MGAT4C: variants seen among roughly 807,000 people sequenced by gnomAD.
MGAT4C encodes the protein alpha-1,3-mannosyl-glycoprotein 4-beta-N-acetylglucosaminyltransferase C.
Under a neutral mutation model 40.1 loss-of-function variants are expected in MGAT4C, and 19 were observed. The observed-to-expected ratio is 0.47, with a 90% confidence interval of 0.33 to 0.70. The LOEUF (loss-of-function observed/expected upper bound fraction) is 0.70. Among genes scored for constraint, MGAT4C ranks in the 30% least tolerant of loss-of-function variants. The pLI, the probability that MGAT4C is intolerant of heterozygous loss-of-function variation, is 0.02. For synonymous variants in MGAT4C, 181 were observed against 187.1 expected, an observed-to-expected ratio of 0.97 and a Z score of 0.27; for missense variants, 491 against 563.2, an observed-to-expected ratio of 0.87 and a Z score of 1.30.
At position 86,470,382 on chromosome 12, in the gene MGAT4C, G is replaced by C. The variant is rs1358779029; in HGVS notation, c.-228-35117C>G. 2.0e-5 allele frequency among the ~76,000 whole-genome samples: 3 copies of C among 152,068 alleles called. No individual in the cohort carries two copies. The East Asian group carries it at 5.8e-4, about 29-fold the overall frequency. ...ACTGAACTTCGACTCTATCTTGGGT[G>C]ACAAGAAGAACTGAAGTAGGAAGGA... On this transcript the variant is annotated intron_variant, in intron 2 of 7. Transcript: ENST00000548651.
intron 2 of MGAT4C, among the ~76,000 whole-genome samples, chr12:86,721,882 T>C (rs1950743272): frequency 6.6e-6 from 1 of 152,104 alleles, no homozygotes; most frequent in Non-Finnish European, 1.5e-5. Flanking sequence ...AAGGAAAATA[T>C]TCAAATCTGT....
At chr12:86,399,311 C>A (rs942095467) in intron 3 of MGAT4C, among the ~76,000 whole-genome samples, 1 of 150,894 alleles carries the variant, frequency 6.6e-6, no homozygotes, top group Non-Finnish European at 1.5e-5. Context: ...TTGAGACAGT[C>A]TTGCTCTATC....
intron 3 of MGAT4C, among the ~76,000 whole-genome samples, chr12:86,430,519 T>C (rs925195276): frequency 2.6e-5 from 4 of 152,128 alleles, no homozygotes; most frequent in Admixed American, 2.0e-4. Context: ...ATTGACTTTG[T>C]TTGGGTGAGG....
At chr12:86,831,488 CAT>C (rs1952927062) in intron 1 of MGAT4C, among the ~76,000 whole-genome samples, 1 of 151,840 alleles carries the variant, frequency 6.6e-6, no homozygotes, top group African/African-American at 2.4e-5. Flanking sequence ...TACAAACACA[CAT>C]GACACCAATG....
intron 1 of MGAT4C, among the ~76,000 whole-genome samples, chr12:86,203,997 T>TATATATATA (rs1437540260): frequency 2.7e-5 from 4 of 148,636 alleles, no homozygotes; most frequent in Non-Finnish European, 6.0e-5. Flanking sequence ...TATATATGCC[T>TATATATATA]TATAGCTAAC....
chr12:86,648,028 A>G (rs889824876), intron 2 of MGAT4C, among the ~76,000 whole-genome samples: 3 of 151,934 alleles, frequency 2.0e-5, no homozygotes, highest in African/African-American at 7.2e-5. Flanking sequence ...GGGTCTAGCA[A>G]TGTGATTGCC....
At chr12:86,217,872 G>T (rs923689532) in intron 1 of MGAT4C, among the ~76,000 whole-genome samples, 1 of 152,102 alleles carries the variant, frequency 6.6e-6, no homozygotes, top group South Asian at 2.1e-4. Context: ...AATAATTGAA[G>T]TGATATAAGA....
intron 1 of MGAT4C, among the ~76,000 whole-genome samples, chr12:86,121,072 C>A (rs1356877764): frequency 1.3e-5 from 2 of 152,164 alleles, no homozygotes; most frequent in Non-Finnish European, 2.9e-5. Flanking sequence ...GACCTGAAAA[C>A]CATGGCAAGA....
At chr12:86,378,946 A>G (rs1955880225) in intron 3 of MGAT4C, among the ~76,000 whole-genome samples, 1 of 152,104 alleles carries the variant, frequency 6.6e-6, no homozygotes, top group South Asian at 2.1e-4. Flanking sequence ...TTTAGAACCA[A>G]TATTGGAGCT....
chr12:86,784,414 A>C (rs1951897272), intron 1 of MGAT4C, among the ~76,000 whole-genome samples: 1 of 152,114 alleles, frequency 6.6e-6, no homozygotes, highest in Non-Finnish European at 1.5e-5. Context: ...TAGAGAATAC[A>C]AAATTGGCAA....
At chr12:85,982,487 C>A (rs1219971303) in intron 4 of MGAT4C, among the ~76,000 whole-genome samples, 4 of 152,132 alleles carry the variant, frequency 2.6e-5, no homozygotes, top group Non-Finnish European at 5.9e-5. Context: ...CCAAACCCAG[C>A]CTAAGATTTA....
At chr12:86,292,019 C>T (rs1447511258) in intron 4 of MGAT4C, among the ~76,000 whole-genome samples, 1 of 152,082 alleles carries the variant, frequency 6.6e-6, no homozygotes, top group Non-Finnish European at 1.5e-5. Flanking sequence ...AACTTGTGTC[C>T]ACACAATTTT....
intron 1 of MGAT4C, among the ~76,000 whole-genome samples, chr12:86,799,160 T>G (rs1952181798): frequency 6.6e-6 from 1 of 151,792 alleles, no homozygotes; most frequent in Admixed American, 6.6e-5. Flanking sequence ...CCTCCCAACA[T>G]TTTCTTACCT....
At chr12:86,562,954 C>T (rs1243435823) in intron 2 of MGAT4C, among the ~76,000 whole-genome samples, 1 of 152,018 alleles carries the variant, frequency 6.6e-6, no homozygotes, top group Admixed American at 6.6e-5. Context: ...AAAAAGATGG[C>T]CCATTTTGAG....
intron 2 of MGAT4C, among the ~76,000 whole-genome samples, chr12:86,039,511 C>T (rs986333578): frequency 1.3e-5 from 2 of 152,074 alleles, no homozygotes; most frequent in African/African-American, 2.4e-5. Flanking sequence ...TTGATGGATT[C>T]GGCTATTGAT....
intron 2 of MGAT4C, among the ~76,000 whole-genome samples, chr12:86,566,386 G>A (rs985036283): frequency 6.0e-5 from 9 of 151,102 alleles, no homozygotes; most frequent in Non-Finnish European, 8.8e-5. Flanking sequence ...TCTTTCTCCC[G>A]TGGTGGATGC....
intron 2 of MGAT4C, among the ~76,000 whole-genome samples, chr12:86,508,052 TA>T (rs201106816): frequency 0.013 from 1,925 of 152,076 alleles, 22 homozygotes; most frequent in East Asian, 0.045. Context: ...GTGTCTTTAA[TA>T]TTTTTTTATT....
intron 1 of MGAT4C, among the ~76,000 whole-genome samples, chr12:86,125,021 C>T (rs1312872960): frequency 6.6e-6 from 1 of 152,138 alleles, no homozygotes; most frequent in Non-Finnish European, 1.5e-5. Flanking sequence ...AAAGAGCTCA[C>T]ACAGCCTGTA....
At chr12:86,504,156 A>T (rs1020734650) in intron 2 of MGAT4C, among the ~76,000 whole-genome samples, 1 of 152,028 alleles carries the variant, frequency 6.6e-6, no homozygotes, top group Admixed American at 6.6e-5. Context: ...GGCAAAAATT[A>T]AAAACTTGGC....
Sources: allele counts gnomAD v4.1 joint callset (sites outside exome capture counted in the v4.1 genomes callset), GRCh38; gene constraint gnomAD v4.1.1; transcripts MANE v1.5; gene names NCBI Gene and HGNC (gene_info 2026-07-23, HGNC 2026-07-21).